Variants in CXCL13 observed in about 807,000 individuals in gnomAD.
CXCL13 encodes the protein C-X-C motif chemokine ligand 13.
Under a neutral mutation model 12.2 loss-of-function variants are expected in CXCL13, and 7 were observed. The observed-to-expected ratio is 0.57, with a 90% CI of 0.33 to 1.07. CXCL13 has a LOEUF of 1.07. Ranked by LOEUF, CXCL13 falls within the 50% of genes least tolerant of loss-of-function variation. CXCL13 has a pLI of 0.04. For missense variants in CXCL13, 113 were observed against 127.4 expected (o/e 0.89, Z 0.55); for synonymous variants, 47 against 42.4 (o/e 1.11, Z -0.42).
In CXCL13 at chr4:77,607,805, G is replaced by A. The variant is rs367546065; in HGVS notation, c.167G>A (p.Arg56His). The change falls in exon 2 of 4, where the codon CGT (arginine) becomes CAT (histidine). Residue 56 changes from arginine (R) to histidine (H), a missense_variant. Coordinates refer to ENST00000682537, the MANE Select transcript of CXCL13 (RefSeq NM_001371558.1). Reference protein sequence around the residue: ...RFIDRIQILPRGNGCPRKEII... With the variant: ...RFIDRIQILPHGNGCPRKEII... ...ATTGATCGAATTCAAATCTTGCCCCGTGGGAATGGTTGTCCAAGAAAAGAA... is the reference window on the plus strand; with the variant it reads ...ATTGATCGAATTCAAATCTTGCCCCATGGGAATGGTTGTCCAAGAAAAGAA... 51 of 1,614,028 alleles carry A rather than the reference G, an allele frequency of 3.2e-5. No homozygotes were observed. The Middle Eastern group carries it at 4.9e-4, about 16-fold the overall frequency.
At chr4:77,597,985 A>T (rs1465643045) in intron 1 of CXCL13, among the ~76,000 whole-genome samples, 1 of 152,228 alleles carries the variant, frequency 6.6e-6, no homozygotes. Context: ...GCTTGATGTC[A>T]TTGGAGCTTG....
intron 1 of CXCL13, among the ~76,000 whole-genome samples, chr4:77,518,489 C>A (rs1375136472): frequency 2.0e-5 from 3 of 152,088 alleles, no homozygotes; most frequent in Non-Finnish European, 4.4e-5. Flanking sequence ...AGGCTTTGTT[C>A]ATTTCTTTTT....
Position 77,520,109 on chromosome 4 carries a change from A to T in CXCL13, c.-43+8321A>T, listed in dbSNP as rs375597627. Among the ~76,000 whole-genome samples, 267 of 152,084 alleles carry T rather than the reference A, an allele frequency of 1.8e-3. 1 individual carries two copies. The highest frequency in any genetic ancestry group is 6.2e-3 in the African/African-American group (256 of 41,496). Reference sequence around the variant, plus strand: ...TGGTACCAGTACCATGCTGTTTTGGATACTGTAGCCTTGTAGTATAGTTTG... The same window carrying T: ...TGGTACCAGTACCATGCTGTTTTGGTTACTGTAGCCTTGTAGTATAGTTTG... On this transcript the variant is annotated intron_variant, in intron 1 of 4. Coordinates refer to the CXCL13 transcript ENST00000286758.
chr4:77,518,468 A>G (rs866772334), intron 1 of CXCL13, among the ~76,000 whole-genome samples: 2 of 152,140 alleles, frequency 1.3e-5, no homozygotes, highest in Non-Finnish European at 2.9e-5. Context: ...ACATAGTCCC[A>G]TATTTCTTGG....
chr4:77,564,935 T>A (rs1282383371), intron 1 of CXCL13, among the ~76,000 whole-genome samples: 4 of 152,154 alleles, frequency 2.6e-5, no homozygotes, highest in African/African-American at 9.7e-5. Context: ...AACATAAACA[T>A]CCACAGACCT....
chr4:77,537,062 G>A lies in CXCL13; in HGVS notation c.-43+25274G>A, dbSNP rs1254333206. 3.3e-5 allele frequency among the ~76,000 whole-genome samples: 5 copies of A among 152,240 alleles called. No individual in the cohort carries two copies. In the East Asian group the frequency reaches 7.7e-4, roughly 23 times the overall value. The stretch of plus-strand genomic sequence containing the variant: ...AACCTCTAGATAAATACTATTAGTA[G>A]CAATGACATTCAAGGAGAAAATAAA... On this transcript the variant is annotated intron_variant, in intron 1 of 4. Transcript: ENST00000286758.
chr4:77,567,572 A>T (rs1244562115), intron 1 of CXCL13, among the ~76,000 whole-genome samples: 1 of 152,184 alleles, frequency 6.6e-6, no homozygotes, highest in Non-Finnish European at 1.5e-5. Context: ...TGGTTTTACA[A>T]GGTACAGGTC....
At chr4:77,546,669 G>T (rs976244278) in intron 1 of CXCL13, among the ~76,000 whole-genome samples, 1 of 151,830 alleles carries the variant, frequency 6.6e-6, no homozygotes, top group African/African-American at 2.4e-5. Flanking sequence ...GGTCTATTTT[G>T]TTGATCTTTT....
intron 1 of CXCL13, among the ~76,000 whole-genome samples, chr4:77,527,200 G>A (rs536238325): frequency 6.6e-6 from 1 of 152,126 alleles, no homozygotes; most frequent in Admixed American, 6.5e-5. Context: ...ATGTAGCACT[G>A]TACACCGATT....
At chr4:77,546,654 C>T (rs1325244953) in intron 1 of CXCL13, among the ~76,000 whole-genome samples, 2 of 151,984 alleles carry the variant, frequency 1.3e-5, no homozygotes, top group Non-Finnish European at 2.9e-5. Context: ...ATTAGTCTTG[C>T]TAGCGGTCTA....
chr4:77,534,879 G>A (rs908695313), intron 1 of CXCL13, among the ~76,000 whole-genome samples: 11 of 152,118 alleles, frequency 7.2e-5, no homozygotes, highest in African/African-American at 2.7e-4. Flanking sequence ...CTTTGTTTTG[G>A]CCTTATATTT....
intron 1 of CXCL13, among the ~76,000 whole-genome samples, chr4:77,527,518 G>A (rs1051884225): frequency 1.3e-5 from 2 of 152,112 alleles, no homozygotes; most frequent in Admixed American, 1.3e-4. Context: ...TGTGATCCCA[G>A]CTACTTGGGA....
intron 1 of CXCL13, among the ~76,000 whole-genome samples, chr4:77,546,513 A>G (rs1455177292): frequency 3.3e-5 from 5 of 152,186 alleles, no homozygotes; most frequent in African/African-American, 4.8e-5. Flanking sequence ...CATTTCTTCC[A>G]GATTTTCTAG....
upstream of CXCL13, among the ~76,000 whole-genome samples, chr4:77,602,976 C>T (rs544540241): frequency 2.3e-4 from 35 of 152,268 alleles, 1 homozygote; most frequent in South Asian, 7.0e-3. Flanking sequence ...TCTAAATAAG[C>T]TAAATCCAGA....
At chr4:77,538,026 C>A (rs1017653105) in intron 1 of CXCL13, among the ~76,000 whole-genome samples, 1 of 152,166 alleles carries the variant, frequency 6.6e-6, no homozygotes, top group Non-Finnish European at 1.5e-5. Flanking sequence ...AATCTGAGAA[C>A]ACAGACAACA....
chr4:77,540,405 G>A (rs1578044201), intron 1 of CXCL13, among the ~76,000 whole-genome samples: 1 of 151,972 alleles, frequency 6.6e-6, no homozygotes, highest in Non-Finnish European at 1.5e-5. Context: ...TTCAACTGCT[G>A]CCTCCCTGCC....
At chr4:77,591,220 A>G (rs1726601366) in intron 1 of CXCL13, among the ~76,000 whole-genome samples, 2 of 152,238 alleles carry the variant, frequency 1.3e-5, no homozygotes, top group South Asian at 4.1e-4. Flanking sequence ...CATTCCTACT[A>G]TATACACATA....
At chr4:77,564,961 G>T (rs1725890799) in intron 1 of CXCL13, among the ~76,000 whole-genome samples, 1 of 152,170 alleles carries the variant, frequency 6.6e-6, no homozygotes, top group African/African-American at 2.4e-5. Context: ...AGCCCACACG[G>T]GGTTTTCCTG....
rs1328752113 is a variant in CXCL13 at position 77,561,741 on chromosome 4, C to T, written c.-42-44083C>T. Among the ~76,000 whole-genome samples, 98 of 152,214 alleles carry T rather than the reference C, an allele frequency of 6.4e-4. 1 individual carries two copies. Among genetic ancestry groups the T allele is most frequent in the Admixed American group, 6.4e-3 (98 of 15,288 alleles). On this transcript the variant is annotated intron_variant, in intron 1 of 4. Coordinates refer to the CXCL13 transcript ENST00000286758. The stretch of plus-strand genomic sequence containing the variant: ...TGGTGTGCTGGCAGCCCTTGCAGCC[C>T]TTGCCCACTCTCAGCACCTCCTTGG...
Sources: gnomAD v4.1 joint callset for allele counts (sites outside exome capture counted in the v4.1 genomes callset) on GRCh38, gnomAD v4.1.1 for gene constraint, MANE v1.5 for transcripts, NCBI Gene and HGNC (gene_info 2026-07-23, HGNC 2026-07-21) for gene names.